Variants in SDK1 observed in about 807,000 individuals in gnomAD.
SDK1 encodes the protein sidekick cell adhesion molecule 1, also known as protein sidekick-1.
Under a neutral mutation model 245.5 loss-of-function variants are expected in SDK1, and 157 were observed. The ratio of observed to expected loss-of-function variants is 0.64; its 90% CI spans 0.56 to 0.73. The LOEUF (loss-of-function observed/expected upper bound fraction) is 0.73, where lower values mean the gene tolerates loss of function less well. SDK1 is among the 30% of genes least tolerant of loss of function. The pLI is 0.00. For synonymous variants in SDK1, 1,647 were observed against 1,278.5 expected, an observed-to-expected ratio of 1.29 and a Z score of -6.15; for missense variants, 3,583 against 3,002.3, an observed-to-expected ratio of 1.19 and a Z score of -4.52.
chr7:3,613,091 T>C (rs1781657027), intron 1 of SDK1, among the ~76,000 whole-genome samples: 2 of 152,234 alleles, frequency 1.3e-5, no homozygotes, highest in Non-Finnish European at 1.5e-5. Flanking sequence ...ACTTGCTTGA[T>C]ACCTCATAGT....
At chr7:4,044,452 C>G (rs760799111) in intron 17 of SDK1, among the ~76,000 whole-genome samples, 6 of 127,798 alleles carry the variant, frequency 4.7e-5, no homozygotes, top group Non-Finnish European at 6.1e-5. Context: ...TTTTGCTTTG[C>G]TTTATTTTTT....
chr7:3,625,516 A>G (rs1056186063), intron 2 of SDK1, among the ~76,000 whole-genome samples: 1 of 152,172 alleles, frequency 6.6e-6, no homozygotes, highest in African/African-American at 2.4e-5. Context: ...AGGGGAATGA[A>G]GCAGGGAGGA....
intron 4 of SDK1, among the ~76,000 whole-genome samples, chr7:3,697,901 A>T (rs1380268119): frequency 6.6e-6 from 1 of 152,186 alleles, no homozygotes; most frequent in Non-Finnish European, 1.5e-5. Context: ...GAGTACAGCT[A>T]AAAACTGTGA....
chr7:3,496,231 A>G (rs1346791566), intron 1 of SDK1, among the ~76,000 whole-genome samples: 1 of 152,096 alleles, frequency 6.6e-6, no homozygotes, highest in Non-Finnish European at 1.5e-5. Flanking sequence ...GGAGGGTCAG[A>G]TAAGTTAGCA....
At chr7:3,611,054 C>G (rs1004508275) in intron 1 of SDK1, among the ~76,000 whole-genome samples, 4 of 152,120 alleles carry the variant, frequency 2.6e-5, no homozygotes, top group Non-Finnish European at 5.9e-5. Context: ...ATTGTAGCTG[C>G]CTTTCATCCT....
At chr7:3,928,792 G>A (rs1405782043) in intron 5 of SDK1, among the ~76,000 whole-genome samples, 1 of 152,194 alleles carries the variant, frequency 6.6e-6, no homozygotes, top group Non-Finnish European at 1.5e-5. Flanking sequence ...AAGGTAGAGG[G>A]TGTTACCCCG....
intron 1 of SDK1, among the ~76,000 whole-genome samples, chr7:3,610,887 G>C (rs1165663008): frequency 6.6e-6 from 1 of 152,240 alleles, no homozygotes; most frequent in African/African-American, 2.4e-5. Flanking sequence ...CAAATATGGA[G>C]AGGACACCAG....
chr7:3,635,939 G>A (rs532578945), intron 2 of SDK1, among the ~76,000 whole-genome samples: 4 of 152,008 alleles, frequency 2.6e-5, no homozygotes, highest in Admixed American at 2.6e-4. Flanking sequence ...TCTTTCTTAC[G>A]GTAGACACCT....
intron 1 of SDK1, among the ~76,000 whole-genome samples, chr7:3,440,678 G>C (rs1380586541): frequency 6.6e-6 from 1 of 152,150 alleles, no homozygotes; most frequent in African/African-American, 2.4e-5. Flanking sequence ...GAACGTTCTT[G>C]ACTTAAGAAG....
At chr7:3,334,203 T>G (rs555997775) in intron 1 of SDK1, among the ~76,000 whole-genome samples, 1 of 152,334 alleles carries the variant, frequency 6.6e-6, no homozygotes, top group South Asian at 2.1e-4. Flanking sequence ...TGAGTCAATC[T>G]GCAGTATTTT....
intron 3 of SDK1, among the ~76,000 whole-genome samples, chr7:3,641,453 C>T (rs1288431420): frequency 6.6e-6 from 1 of 152,118 alleles, no homozygotes; most frequent in Non-Finnish European, 1.5e-5. Context: ...AGTATATAGA[C>T]TCTTCAGTGG....
At chr7:3,848,211 T>C (rs1025525517) in intron 5 of SDK1, among the ~76,000 whole-genome samples, 9 of 152,266 alleles carry the variant, frequency 5.9e-5, no homozygotes, top group African/African-American at 1.9e-4. Flanking sequence ...AAAATGTTAA[T>C]TGGAAACGCA....
At chr7:3,462,190 C>CT (rs1340093211) in intron 1 of SDK1, among the ~76,000 whole-genome samples, 2 of 152,090 alleles carry the variant, frequency 1.3e-5, no homozygotes, top group Non-Finnish European at 2.9e-5. Flanking sequence ...AAAGGATGCT[C>CT]TTCAGTTCAC....
At chr7:3,385,279 A>G (rs577490787) in intron 1 of SDK1, among the ~76,000 whole-genome samples, 30 of 152,262 alleles carry the variant, frequency 2.0e-4, no homozygotes, top group South Asian at 6.2e-4. Context: ...TTTTTAACCA[A>G]TTGGAAGGTA....
chr7:3,426,253 A>G (rs1175874202), intron 1 of SDK1, among the ~76,000 whole-genome samples: 1 of 152,144 alleles, frequency 6.6e-6, no homozygotes, highest in African/African-American at 2.4e-5. Flanking sequence ...AAGAGGAAGG[A>G]ACAGACTGGC....
intron 5 of SDK1, among the ~76,000 whole-genome samples, chr7:3,876,575 T>G (rs1781083309): frequency 6.6e-6 from 1 of 152,216 alleles, no homozygotes; most frequent in Admixed American, 6.5e-5. Context: ...AAACAGGCAT[T>G]GAGAACTCAT....
chr7:3,839,451 C>T (rs768221875), intron 5 of SDK1, among the ~76,000 whole-genome samples: 1 of 152,178 alleles, frequency 6.6e-6, no homozygotes, highest in African/African-American at 2.4e-5. Flanking sequence ...TGATAAATCA[C>T]TGAGTGACGA....
chr7:4,213,407 G>A lies in SDK1; in HGVS notation c.5539+3245G>A, dbSNP rs190327966. Among the ~76,000 whole-genome samples, 547 of 146,474 alleles carry A rather than the reference G, an allele frequency of 3.7e-3. 4 individuals carry two copies. The highest frequency in any genetic ancestry group is 0.013 in the African/African-American group (525 of 39,580). On this transcript the variant is annotated intron_variant, in intron 38 of 44. Coordinates refer to ENST00000404826, the MANE Select transcript of SDK1 (RefSeq NM_152744.4). ...AGCTTGGGCGACAGAGCAAGACTCC[G>A]TCTCAAAAAAAAAAAAAGAAAACAA... is the stretch of plus-strand genomic sequence containing the variant.
chr7:3,565,314 T>C (rs1779877076), intron 1 of SDK1, among the ~76,000 whole-genome samples: 1 of 152,180 alleles, frequency 6.6e-6, no homozygotes, highest in African/African-American at 2.4e-5. Flanking sequence ...AATATGGTTG[T>C]TATCTGTCAG....
Sources: allele counts gnomAD v4.1 joint callset (sites outside exome capture counted in the v4.1 genomes callset), GRCh38; gene constraint gnomAD v4.1.1; transcripts MANE v1.5; gene names NCBI Gene and HGNC (gene_info 2026-07-23, HGNC 2026-07-21).